Variants in CYTH1 observed in about 807,000 individuals in gnomAD.
CYTH1 encodes the protein cytohesin 1.
CYTH1 carries 18 observed loss-of-function variants against 61.8 expected under a neutral mutation model. The ratio of observed to expected loss-of-function variants is 0.29; its 90% CI spans 0.20 to 0.43. The LOEUF (loss-of-function observed/expected upper bound fraction) is 0.43, where lower values mean the gene tolerates loss of function less well. Ranked by LOEUF, CYTH1 falls within the 20% of genes least tolerant of loss-of-function variation. The probability of loss-of-function intolerance (pLI) is 1.00; values close to 1 mark genes in which losing one functional copy is unlikely to be tolerated. For synonymous variants in CYTH1, 174 were observed against 184.3 expected (o/e 0.94, Z 0.45); for missense variants, 336 against 510.5 (o/e 0.66, Z 3.29).
intron 1 of CYTH1, among the ~76,000 whole-genome samples, chr17:78,726,042 C>G (rs1402610446): frequency 7.6e-6 from 1 of 130,760 alleles, no homozygotes; most frequent in Non-Finnish European, 1.6e-5. Context: ...ATTCAACAGT[C>G]TTTTTTTTTT....
intron 1 of CYTH1, among the ~76,000 whole-genome samples, chr17:78,728,633 T>C (rs961739839): frequency 6.6e-6 from 1 of 151,736 alleles, no homozygotes; most frequent in Admixed American, 6.6e-5. Context: ...TGGGAAAAAA[T>C]ATATATGACA....
intron 3 of CYTH1, among the ~76,000 whole-genome samples, chr17:78,707,237 C>T (rs772713109): frequency 7.9e-5 from 12 of 152,196 alleles, no homozygotes; most frequent in Non-Finnish European, 1.5e-4. Flanking sequence ...TCAAACAGTC[C>T]TACGAAGCCA....
chr17:78,760,547 A>ATATATATG (rs1567879753), intron 1 of CYTH1, among the ~76,000 whole-genome samples: 2 of 42,846 alleles, frequency 4.7e-5, no homozygotes, highest in African/African-American at 1.8e-4. Flanking sequence ...ATATATATGT[A>ATATATATG]TATATATATG....
chr17:78,759,509 C>A (rs1300004268), intron 1 of CYTH1, among the ~76,000 whole-genome samples: 1 of 152,178 alleles, frequency 6.6e-6, no homozygotes. Context: ...GAAAACCACA[C>A]AAAGACACAT....
intron 11 of CYTH1, among the ~76,000 whole-genome samples, chr17:78,684,675 G>A (rs954200005): frequency 1.3e-5 from 2 of 152,208 alleles, no homozygotes; most frequent in African/African-American, 4.8e-5. Flanking sequence ...ATTAGGTGAA[G>A]ATATTTTGTG....
chr17:78,679,402 C>CA (rs775822483), intron 13 of CYTH1, among the ~76,000 whole-genome samples: 4 of 147,964 alleles, frequency 2.7e-5, no homozygotes, highest in Non-Finnish European at 6.0e-5. Context: ...CTGACCCTCG[C>CA]ACAGGGACTG....
chr17:78,779,787 C>T (rs2093509310), intron 1 of CYTH1, among the ~76,000 whole-genome samples: 1 of 152,210 alleles, frequency 6.6e-6, no homozygotes, highest in African/African-American at 2.4e-5. Context: ...CCAGAAAGAA[C>T]CAGCCTGTCC....
At chr17:78,689,134 T>G (rs1184660141) in intron 11 of CYTH1, among the ~76,000 whole-genome samples, 2 of 152,166 alleles carry the variant, frequency 1.3e-5, no homozygotes, top group Admixed American at 1.3e-4. Context: ...AAATAAGTGT[T>G]GGATTCTGAC....
rs1412525676 is a variant in CYTH1, at chr17:78,755,411, G to A, written c.22+26791C>T. Among the ~76,000 whole-genome samples the A allele has an allele frequency of 1.3e-5, 2 of 150,502 alleles. 1 individual carries two copies. Among genetic ancestry groups the A allele is most frequent in the Non-Finnish European group, 2.9e-5 (2 of 67,858 alleles). ...GGCCTCCCAAGTGCTGGGATTACAG[G>A]CGTGAGCCACCACGCCCAGCCTCAA... On this transcript the variant is annotated intron_variant, in intron 1 of 13. Coordinates refer to ENST00000446868, the MANE Select transcript of CYTH1 (RefSeq NM_004762.6).
At chr17:78,708,659 C>G (rs2093094510) in intron 2 of CYTH1, among the ~76,000 whole-genome samples, 1 of 152,266 alleles carries the variant, frequency 6.6e-6, no homozygotes, top group Non-Finnish European at 1.5e-5. Flanking sequence ...AAAGCCCAGG[C>G]TGCAGAGCCT....
At chr17:78,705,591 A>G (rs1287915111) in intron 3 of CYTH1, among the ~76,000 whole-genome samples, 2 of 152,174 alleles carry the variant, frequency 1.3e-5, no homozygotes, top group Non-Finnish European at 2.9e-5. Flanking sequence ...GATGAGAAAC[A>G]TGAATTCTCT....
rs1480707352 is a variant in CYTH1 at position 78,702,184 on chromosome 17, G to C, written c.294C>G (p.Ala98=). The part of the protein sequence containing the change: ...DLLKNTCEDI[A]QFLYKGEGLN... The stretch of plus-strand genomic sequence containing the variant: ...GCCCTTCGCCTTTATATAAGAACTG[G>C]GCAATGTCTTCACAAGTGTTCTTCA... Residue 98 remains alanine (A), a synonymous_variant, in exon 5 of 14, where the codon GCC becomes GCG. Transcript: ENST00000446868. 1.2e-6 allele frequency: 2 copies of C among 1,614,100 alleles called. No homozygotes were observed. Among genetic ancestry groups the C allele is most frequent in the Non-Finnish European group, 1.7e-6 (2 of 1,180,026 alleles).
intron 1 of CYTH1, among the ~76,000 whole-genome samples, chr17:78,713,103 T>A (rs2093150895): frequency 6.7e-6 from 1 of 150,338 alleles, no homozygotes; most frequent in African/African-American, 2.5e-5. Flanking sequence ...ATATATATAT[T>A]AAAATGGCTG....
intron 11 of CYTH1, among the ~76,000 whole-genome samples, chr17:78,683,242 CCTT>C (rs1288958111): frequency 1.3e-5 from 2 of 152,046 alleles, no homozygotes; most frequent in East Asian, 3.9e-4. Flanking sequence ...GGTGGTGGAC[CCTT>C]CTTCTTCCTG....
At position 78,717,195 on chromosome 17, in the gene CYTH1, C is replaced by G. The variant is rs554611170; in HGVS notation, c.23-7463G>C. On this transcript the variant is annotated intron_variant, in intron 1 of 13. Coordinates refer to ENST00000446868, the MANE Select transcript of CYTH1 (RefSeq NM_004762.6). This position sits in a 1 kb window ranked among gnomAD's most constrained non-coding sequence, Gnocchi z 4.4. ...GCCACTGGGGAGGGCAGCAGGTTGT[C>G]CCTGCCGGCAGCCTGAGCACAATGG... is the stretch of plus-strand genomic sequence containing the variant. Among the ~76,000 whole-genome samples, 1 of 152,168 alleles carries G rather than the reference C, an allele frequency of 6.6e-6. No individual in the cohort carries two copies. Among genetic ancestry groups the G allele is most frequent in the African/African-American group, 2.4e-5 (1 of 41,438 alleles).
rs1169112425 is a variant in CYTH1 at position 78,756,073 on chromosome 17, A to ATT, written c.22+26127_22+26128dup. 3.4e-5 allele frequency among the ~76,000 whole-genome samples: 4 copies of ATT among 118,542 alleles called. No individual in the cohort carries two copies. In the East Asian group the frequency reaches 1.1e-3, roughly 34 times the overall value. 77.8% of individuals were successfully genotyped at this position (118,542 alleles called of 152,430 possible). On this transcript the variant is annotated intron_variant, in intron 1 of 13. Coordinates refer to ENST00000446868, the MANE Select transcript of CYTH1 (RefSeq NM_004762.6). ...TTGTACACTATTTATTTATTTATTT[A>ATT]TTTTTATTTTTTTTTTTTTTGAGAC...
chr17:78,727,607 C>T lies in CYTH1; in HGVS notation c.23-17875G>A, dbSNP rs369119161. On this transcript the variant is annotated intron_variant, in intron 1 of 13. Transcript: ENST00000446868. ...AAGAAGGAGCTGACTAGGGCACCAG[C>T]CTTCCAAGTCGCGGGAAGGTCCAGG... The T allele has an allele frequency of 5.2e-5, 24 of 459,494 alleles. No homozygotes were observed. In the East Asian group the frequency reaches 1.7e-3, roughly 33 times the overall value. 28.5% of individuals were successfully genotyped at this position (459,494 alleles called of 1,614,324 possible). A position where few individuals can be genotyped will look rare whatever the true frequency, so the allele number is the denominator to read the frequency against.
At chr17:78,682,942 C>T (rs1026953811) in intron 11 of CYTH1, among the ~76,000 whole-genome samples, 9 of 152,168 alleles carry the variant, frequency 5.9e-5, no homozygotes, top group African/African-American at 2.2e-4. Context: ...TCAAGGGTTA[C>T]CCCCTCTTTG....
At chr17:78,712,209 GAGAA>G (rs952066782) in intron 1 of CYTH1, among the ~76,000 whole-genome samples, 41 of 151,404 alleles carry the variant, frequency 2.7e-4, no homozygotes, top group Non-Finnish European at 5.2e-4. Flanking sequence ...GAGAGAGAAA[GAGAA>G]AGAAAAAGAG....
Sources: gnomAD v4.1 joint callset for allele counts (sites outside exome capture counted in the v4.1 genomes callset) on GRCh38, gnomAD v4.1.1 for gene constraint, Gnocchi (gnomAD v3.1) non-coding constraint, MANE v1.5 for transcripts, NCBI Gene and HGNC (gene_info 2026-07-23, HGNC 2026-07-21) for gene names.